CPB2: variants seen among roughly 807,000 people sequenced by gnomAD.
The protein encoded by CPB2 is carboxypeptidase B-like protein.
A neutral mutation model predicts 57.0 loss-of-function variants in CPB2; 54 were observed. The ratio of observed to expected loss-of-function variants is 0.95; its 90% CI spans 0.76 to 1.19. CPB2 has a LOEUF of 1.19. Among genes scored for constraint, CPB2 ranks in the 50% most tolerant of loss-of-function variants. The pLI is 0.00. For synonymous variants in CPB2, 189 were observed against 178.1 expected (o/e 1.06, Z -0.49); for missense variants, 426 against 512.0 (o/e 0.83, Z 1.62).
chr13:46,104,304 A>G (rs935153272), intron 1 of CPB2, among the ~76,000 whole-genome samples: 1 of 152,258 alleles, frequency 6.6e-6, no homozygotes, highest in African/African-American at 2.4e-5. Context: ...CTAAAAATTG[A>G]CTACTTAATA....
intron 10 of CPB2, 74 bp from the exon 11 acceptor site, chr13:46,053,872 T>G: frequency 7.0e-7 from 1 of 1,435,714 alleles, no homozygotes; most frequent in Non-Finnish European, 9.6e-7. Flanking sequence ...TTGTTTGATT[T>G]AAATGTTTAT....
intron 7 of CPB2, 91 bp downstream of exon 7, chr13:46,067,216 T>C: frequency 1.6e-6 from 1 of 607,822 alleles, no homozygotes; most frequent in Non-Finnish European, 2.9e-6. Flanking sequence ...AAAGCCATTG[T>C]GCCTAGATCC....
intron 5 of CPB2, among the ~76,000 whole-genome samples, chr13:46,077,577 T>C (rs761116064): frequency 1.3e-5 from 2 of 152,174 alleles, no homozygotes; most frequent in Admixed American, 6.5e-5. Flanking sequence ...TTATTGGGTA[T>C]GTATCCAAAA....
At chr13:46,099,270 T>C (rs1187257026) in intron 1 of CPB2, 1 of 151,240 alleles carries the variant, frequency 6.6e-6, no homozygotes. Context: ...TATATAGAGA[T>C]ATACCAGGAA....
intron 7 of CPB2, among the ~76,000 whole-genome samples, chr13:46,066,429 A>G (rs1251267684): frequency 1.3e-5 from 2 of 152,246 alleles, no homozygotes; most frequent in Non-Finnish European, 2.9e-5. Flanking sequence ...GAAAAAAAGA[A>G]GAGAGAGAAA....
intron 5 of CPB2, among the ~76,000 whole-genome samples, chr13:46,074,902 G>A (rs2044998940): frequency 6.6e-6 from 1 of 152,184 alleles, no homozygotes; most frequent in African/African-American, 2.4e-5. Context: ...GTGCTCCTAT[G>A]AGAATCTAAC....
At chr13:46,067,442 A>T in intron 6 of CPB2, 25 bp from the exon 7 acceptor site, 1 of 1,115,936 alleles carries the variant, frequency 9.0e-7, no homozygotes, top group Non-Finnish European at 1.4e-6. Context: ...AAGTATATTT[A>T]ATTAGATGTT....
At chr13:46,092,263 A>T (rs1193626968) in intron 1 of CPB2, among the ~76,000 whole-genome samples, 38 of 152,320 alleles carry the variant, frequency 2.5e-4, no homozygotes, top group African/African-American at 8.9e-4. Flanking sequence ...CAACATTATG[A>T]CTAAATGCAA....
At chr13:46,068,861 C>T (rs1398413528) in intron 6 of CPB2, among the ~76,000 whole-genome samples, 4 of 152,152 alleles carry the variant, frequency 2.6e-5, no homozygotes, top group Non-Finnish European at 5.9e-5. Flanking sequence ...TTTAAATAGT[C>T]GAGCAACCAG....
intron 1 of CPB2, among the ~76,000 whole-genome samples, chr13:46,090,408 G>A (rs1357461667): frequency 1.3e-5 from 2 of 148,948 alleles, no homozygotes; most frequent in Middle Eastern, 3.2e-3. Context: ...TGTCACCCAG[G>A]CAGGAGTGCA....
At chr13:46,083,316 A>G (rs1262510497) in intron 3 of CPB2, among the ~76,000 whole-genome samples, 2 of 152,222 alleles carry the variant, frequency 1.3e-5, no homozygotes, top group East Asian at 1.9e-4. Flanking sequence ...TTTTTCATCT[A>G]TATAATGGGG....
chr13:46,060,103 T>C (rs1410096545), intron 8 of CPB2, among the ~76,000 whole-genome samples: 1 of 152,086 alleles, frequency 6.6e-6, no homozygotes, highest in Non-Finnish European at 1.5e-5. Flanking sequence ...CAGACCAGGG[T>C]TGTTTAATAG....
chr13:46,076,194 G>T (rs1184643146), intron 5 of CPB2, among the ~76,000 whole-genome samples: 2 of 151,996 alleles, frequency 1.3e-5, no homozygotes, highest in African/African-American at 4.8e-5. Context: ...AATTGGAAGG[G>T]AAAAATCAAA....
chr13:46,070,521 C>G (rs2044924268), intron 6 of CPB2, among the ~76,000 whole-genome samples: 1 of 152,094 alleles, frequency 6.6e-6, no homozygotes, highest in Non-Finnish European at 1.5e-5. Context: ...GGGGTGCACT[C>G]AAGCTTTGCC....
At chr13:46,078,087 A>C (rs963712753) in intron 5 of CPB2, among the ~76,000 whole-genome samples, 1 of 152,166 alleles carries the variant, frequency 6.6e-6, no homozygotes, top group African/African-American at 2.4e-5. Flanking sequence ...AGAAATGATA[A>C]ATGTTTGAAG....
chr13:46,087,235 C>G (rs1314361538), intron 2 of CPB2, among the ~76,000 whole-genome samples: 2 of 152,228 alleles, frequency 1.3e-5, no homozygotes, highest in Admixed American at 1.3e-4. Flanking sequence ...TTTACCTCCT[C>G]CTGGCTTCTG....
At chr13:46,095,637 A>G (rs74074817) in intron 1 of CPB2, among the ~76,000 whole-genome samples, 246 of 152,320 alleles carry the variant, frequency 1.6e-3, no homozygotes, top group African/African-American at 5.6e-3. Context: ...TGGGACAGAC[A>G]CCAGTGCATA....
At position 46,055,806 on chromosome 13, in the gene CPB2, C is replaced by G; in HGVS notation, c.1043G>C (p.Ser348Thr). The change falls in exon 10 of 11, where the codon AGT becomes ACT. Residue 348 changes from serine to threonine, a missense_variant. Transcript: ENST00000181383. ...SEAVRAIEKI[S>T]KNTRYTHGHG... ...GCCATGTGTATACCTGGTATTTTTA[C>G]TAATTTTCTCAATAGCACGAACTGC... is the stretch of plus-strand genomic sequence containing the variant. 1.2e-6 allele frequency: 2 copies of G among 1,604,334 alleles called. No homozygotes were observed. The highest frequency in any genetic ancestry group is 1.7e-6 in the Non-Finnish European group (2 of 1,173,564).
chr13:46,058,840 A>G (rs1006856483), intron 8 of CPB2, among the ~76,000 whole-genome samples: 4 of 152,228 alleles, frequency 2.6e-5, no homozygotes, highest in Admixed American at 6.5e-5. Flanking sequence ...TTAACTTGCT[A>G]AAGTGGTTTA....
Sources: gnomAD v4.1 joint callset for allele counts (sites outside exome capture counted in the v4.1 genomes callset) on GRCh38, gnomAD v4.1.1 for gene constraint, MANE v1.5 for transcripts, NCBI Gene and HGNC (gene_info 2026-07-23, HGNC 2026-07-21) for gene names.